AUTS2: variants seen among roughly 807,000 people sequenced by gnomAD.
AUTS2 encodes the protein autism susceptibility gene 2 protein.
AUTS2 carries 17 observed loss-of-function variants against 112.4 expected under a neutral mutation model. That is an observed-to-expected ratio of 0.15 (90% confidence interval 0.10 to 0.23). The LOEUF (loss-of-function observed/expected upper bound fraction) is 0.23. Among genes scored for constraint, AUTS2 ranks in the 10% least tolerant of loss-of-function variants. The pLI is 1.00. For missense variants in AUTS2, 1,510 were observed against 1,701.6 expected (o/e 0.89, Z 1.98); for synonymous variants, 751 against 702.7 (o/e 1.07, Z -1.09).
intron 1 of AUTS2, among the ~76,000 whole-genome samples, chr7:69,864,825 TGAGAATAAAAA>T (rs1793146415): frequency 6.6e-6 from 1 of 152,156 alleles, no homozygotes; most frequent in Admixed American, 6.5e-5. Flanking sequence ...AGATGGGAGT[TGAGAATAAAAA>T]GAGAATATTC....
chr7:70,587,235 G>T (rs528548334), intron 5 of AUTS2, among the ~76,000 whole-genome samples: 1 of 152,180 alleles, frequency 6.6e-6, no homozygotes, highest in East Asian at 1.9e-4. Context: ...ATACCACCAT[G>T]CGGGCTAATT....
chr7:70,658,262 T>C (rs1226541926), intron 5 of AUTS2, among the ~76,000 whole-genome samples: 1 of 152,186 alleles, frequency 6.6e-6, no homozygotes, highest in African/African-American at 2.4e-5. Context: ...ATGATTATGC[T>C]GATCCTGGAG....
At chr7:70,360,343 C>G (rs1490241756) in intron 4 of AUTS2, among the ~76,000 whole-genome samples, 1 of 152,046 alleles carries the variant, frequency 6.6e-6, no homozygotes, top group Non-Finnish European at 1.5e-5. Context: ...TATAGAAACC[C>G]CTAGTGTTGT....
At chr7:69,639,994 G>A (rs951087039) in intron 1 of AUTS2, among the ~76,000 whole-genome samples, 7 of 152,128 alleles carry the variant, frequency 4.6e-5, no homozygotes, top group African/African-American at 1.4e-4. Context: ...TTGGTCAAAC[G>A]CCTCACCTCT....
intron 4 of AUTS2, among the ~76,000 whole-genome samples, chr7:70,415,818 C>T (rs1794965983): frequency 6.6e-6 from 1 of 152,172 alleles, no homozygotes; most frequent in Admixed American, 6.5e-5. Context: ...ATTTGTAAGG[C>T]TCTTGGGGCA....
At chr7:69,726,950 T>C (rs2129224186) in intron 1 of AUTS2, among the ~76,000 whole-genome samples, 1 of 152,324 alleles carries the variant, frequency 6.6e-6, no homozygotes, top group South Asian at 2.1e-4. Context: ...TGAGTACTTC[T>C]TTCAGTCTGT....
chr7:69,832,297 G>A (rs537438622), intron 1 of AUTS2, among the ~76,000 whole-genome samples: 1 of 152,302 alleles, frequency 6.6e-6, no homozygotes, highest in African/African-American at 2.4e-5. Context: ...AGCATCAACA[G>A]AATGGTGATT....
intron 5 of AUTS2, among the ~76,000 whole-genome samples, chr7:70,583,034 T>C (rs961199223): frequency 6.6e-6 from 1 of 152,218 alleles, no homozygotes; most frequent in Admixed American, 6.5e-5. Flanking sequence ...CAAACGCATA[T>C]TGCCTGTTTA....
intron 5 of AUTS2, among the ~76,000 whole-genome samples, chr7:70,443,821 G>T (rs1393457140): frequency 6.6e-6 from 1 of 152,184 alleles, no homozygotes; most frequent in Admixed American, 6.5e-5. Flanking sequence ...AAGTAGCAGA[G>T]CAGTTCATTT....
intron 5 of AUTS2, among the ~76,000 whole-genome samples, chr7:70,550,940 G>A (rs931445471): frequency 6.6e-6 from 1 of 152,070 alleles, no homozygotes; most frequent in Non-Finnish European, 1.5e-5. Flanking sequence ...CTGGAACTCA[G>A]GCAGGAATAT....
At chr7:70,292,238 A>T (rs1038836374) in intron 4 of AUTS2, 3 of 152,190 alleles carry the variant, frequency 2.0e-5, no homozygotes, top group Admixed American at 6.5e-5. Flanking sequence ...TTTGGTTCTT[A>T]TATAGCGGTT....
rs1792294611 is a variant in AUTS2, at chr7:69,600,049, C to T, written c.309+87C>T. ...GCTCTCCTGCCTCCCTCGCCGCGCT[C>T]CGGGCTGTCTGTCTGTCTGTCTGTC... On this transcript the variant is annotated intron_variant, in intron 1 of 18. Transcript: ENST00000342771. The T allele has an allele frequency of 6.7e-6, 9 of 1,346,880 alleles. No homozygotes were observed. In the East Asian group the frequency reaches 2.0e-4, roughly 30 times the overall value. The allele number at this position is 1,346,880 out of a possible 1,614,324, so 83.4% of individuals were successfully genotyped here.
chr7:70,782,014 A>G (rs990608918), intron 15 of AUTS2: 34 of 488,456 alleles, frequency 7.0e-5, no homozygotes, highest in African/African-American at 6.1e-4. Context: ...ATTTGCTTCT[A>G]TATTAAACCA....
In AUTS2 at chr7:70,398,928, G is replaced by A. The variant is rs74758593; in HGVS notation, c.661-36824G>A. On this transcript the variant is annotated intron_variant, in intron 4 of 18. Transcript: ENST00000342771. The stretch of plus-strand genomic sequence containing the variant: ...TCAGGAATGAATGTTTGATTTTTGT[G>A]TGTGTTTTTTGATGCTTTTTCTGCA... 5.4e-3 allele frequency among the ~76,000 whole-genome samples: 810 copies of A among 149,276 alleles called. 7 individuals are homozygous for A. Among genetic ancestry groups the A allele is most frequent in the African/African-American group, 0.019 (772 of 40,758 alleles).
chr7:70,386,828 A>G (rs987245445), intron 4 of AUTS2, among the ~76,000 whole-genome samples: 18 of 152,280 alleles, frequency 1.2e-4, no homozygotes, highest in Middle Eastern at 3.4e-3. Flanking sequence ...TTATAAATTC[A>G]AACATCATTA....
intron 2 of AUTS2, among the ~76,000 whole-genome samples, chr7:69,947,909 C>T (rs975265614): frequency 5.9e-5 from 9 of 152,092 alleles, no homozygotes; most frequent in African/African-American, 2.2e-4. Flanking sequence ...AAGTAACTTG[C>T]CCAATGTTAC....
At chr7:70,537,001 C>G (rs1800351129) in intron 5 of AUTS2, among the ~76,000 whole-genome samples, 1 of 152,318 alleles carries the variant, frequency 6.6e-6, no homozygotes, top group East Asian at 1.9e-4. Context: ...CCAGCTAGCT[C>G]TCTGGTCCCC....
chr7:70,646,439 ATC>A (rs1806164767), intron 5 of AUTS2, among the ~76,000 whole-genome samples: 1 of 152,174 alleles, frequency 6.6e-6, no homozygotes, highest in Non-Finnish European at 1.5e-5. Flanking sequence ...TCAAGCGTGC[ATC>A]TCACTTAATA....
At chr7:70,108,505 C>T (rs565261286) in intron 2 of AUTS2, among the ~76,000 whole-genome samples, 2 of 152,042 alleles carry the variant, frequency 1.3e-5, no homozygotes, top group East Asian at 3.9e-4. Context: ...AATCTTACTT[C>T]CTCTATATCC....
Sources: allele counts gnomAD v4.1 joint callset (sites outside exome capture counted in the v4.1 genomes callset), GRCh38; gene constraint gnomAD v4.1.1; transcripts MANE v1.5; gene names NCBI Gene and HGNC (gene_info 2026-07-23, HGNC 2026-07-21).